Variants in VPS13D observed in about 807,000 individuals in gnomAD.
The protein encoded by VPS13D is vacuolar protein sorting 13 homolog D.
Under a neutral mutation model 461.9 loss-of-function variants are expected in VPS13D, and 187 were observed. That is an observed-to-expected ratio of 0.40 (90% CI 0.36 to 0.46). The LOEUF (loss-of-function observed/expected upper bound fraction) is 0.46. Ranked by LOEUF, VPS13D falls within the 20% of genes least tolerant of loss-of-function variation. The probability of loss-of-function intolerance (pLI) is 0.60; values close to 1 mark genes in which losing one functional copy is unlikely to be tolerated. For missense variants in VPS13D, 4,711 were observed against 5,364.9 expected, an observed-to-expected ratio of 0.88 and a Z score of 3.81; for synonymous variants, 1,951 against 1,986.3, an observed-to-expected ratio of 0.98 and a Z score of 0.47.
intron 65 of VPS13D, among the ~76,000 whole-genome samples, chr1:12,428,349 C>T (rs749412285): frequency 1.3e-5 from 2 of 152,202 alleles, no homozygotes; most frequent in African/African-American, 2.4e-5. Flanking sequence ...ATTACAGCTT[C>T]GCTTTTCCTT....
At chr1:12,480,256 C>A (rs187736199) in intron 67 of VPS13D, among the ~76,000 whole-genome samples, 1 of 152,198 alleles carries the variant, frequency 6.6e-6, no homozygotes, top group East Asian at 1.9e-4. Context: ...CTTCACCAGG[C>A]GGTAACCTGG....
intron 16 of VPS13D, among the ~76,000 whole-genome samples, chr1:12,269,224 C>T (rs1477737480): frequency 6.6e-6 from 1 of 152,108 alleles, no homozygotes; most frequent in Non-Finnish European, 1.5e-5. Flanking sequence ...AAGCCACTAC[C>T]TTTGAATCGG....
At chr1:12,315,643 T>G (rs1642866926) in intron 30 of VPS13D, among the ~76,000 whole-genome samples, 1 of 152,138 alleles carries the variant, frequency 6.6e-6, no homozygotes, top group Non-Finnish European at 1.5e-5. Flanking sequence ...AGCTCAAACC[T>G]GGGTATGTGA....
chr1:12,351,525 G>T (rs1183314502), intron 46 of VPS13D, among the ~76,000 whole-genome samples: 2 of 149,816 alleles, frequency 1.3e-5, no homozygotes, highest in Non-Finnish European at 3.0e-5. Context: ...CCTGACCTCA[G>T]GCAATCCACC....
At chr1:12,435,386 A>T (rs1645046710) in intron 65 of VPS13D, among the ~76,000 whole-genome samples, 2 of 152,148 alleles carry the variant, frequency 1.3e-5, no homozygotes, top group Non-Finnish European at 2.9e-5. Flanking sequence ...ATCCGAGCCT[A>T]GGAAGTTGAG....
At position 12,319,493 on chromosome 1, in the gene VPS13D, C is replaced by T. The variant is rs760600752; in HGVS notation, c.7415-4C>T. On this transcript the variant is annotated splice_region_variant and splice_polypyrimidine_tract_variant and intron_variant, in intron 31 of 69. Transcript: ENST00000620676. The stretch of plus-strand genomic sequence containing the variant: ...GGCTTGATTGACGACGTTGTCCTTT[C>T]CAGGTACGGAGTTTGTGGTCATTGA... 6.2e-7 allele frequency: 1 copy of T among 1,614,002 alleles called. No individual in the cohort carries two copies. The highest frequency in any genetic ancestry group is 8.5e-7 in the Non-Finnish European group (1 of 1,179,890).
chr1:12,335,306 A>G (rs764388184), intron 38 of VPS13D, among the ~76,000 whole-genome samples: 6 of 152,154 alleles, frequency 3.9e-5, no homozygotes, highest in Admixed American at 6.5e-5. Context: ...GACTCAAGTG[A>G]TCCGCCTGCC....
chr1:12,241,178 A>G, intron 2 of VPS13D, among the ~76,000 whole-genome samples: 1 of 152,134 alleles, frequency 6.6e-6, no homozygotes, highest in South Asian at 2.1e-4. Context: ...CCTGGGCTCA[A>G]GCGATTTCCC....
rs1331026796 is a variant in VPS13D, at chr1:12,249,315, C to A, written c.540C>A (p.Ser180=). 2 of 1,613,508 alleles carry A rather than the reference C, an allele frequency of 1.2e-6. No homozygotes were observed. Among genetic ancestry groups the A allele is most frequent in the African/African-American group, 2.7e-5 (2 of 75,024 alleles). ...TTGGCATCTGCATTAAGAATGTGTC[C>A]ATGCAAAATGCTGTGAATGAGCCTG... ...FAFGICIKNV[S]MQNAVNEPVQ... Residue 180 remains serine (S), a synonymous_variant, in exon 6 of 70, where the codon TCC becomes TCA. Coordinates refer to ENST00000620676, the MANE Select transcript of VPS13D (RefSeq NM_015378.4).
At chr1:12,409,723 T>C (rs776723469) in intron 63 of VPS13D, 135 of 303,542 alleles carry the variant, frequency 4.4e-4, no homozygotes, top group Non-Finnish European at 7.1e-4. Context: ...AATAGACCCA[T>C]ATCCAGAGAT....
rs1642122873 is a variant in VPS13D at position 12,291,210 on chromosome 1, CTTTTAAAAA to C, written c.5852+91_5852+99del. 5.4e-6 allele frequency: 8 copies of C among 1,482,724 alleles called. No individual in the cohort carries two copies. In the South Asian group the frequency reaches 1.1e-4, roughly 20 times the overall value. 91.8% of individuals were successfully genotyped at this position (1,482,724 alleles called of 1,614,324 possible). ...CTTGTTGGCTAGACAATAAAGAAAACTTTTAAAAATTTTTACCTTCTTAGAGGTGAAATT... is the reference window on the plus strand; with the variant it reads ...CTTGTTGGCTAGACAATAAAGAAAACTTTTTACCTTCTTAGAGGTGAAATT... On this transcript the variant is annotated intron_variant, in intron 23 of 69. Transcript: ENST00000620676.
intron 6 of VPS13D, among the ~76,000 whole-genome samples, chr1:12,249,971 A>G (rs1318759211): frequency 6.6e-6 from 1 of 152,232 alleles, no homozygotes; most frequent in Admixed American, 6.5e-5. Context: ...GATGCCAGTC[A>G]CAAGGCCCAG....
At chr1:12,448,372 C>CA (rs1645221007) in intron 65 of VPS13D, among the ~76,000 whole-genome samples, 1 of 152,128 alleles carries the variant, frequency 6.6e-6, no homozygotes, top group African/African-American at 2.4e-5. Context: ...GTTAGAATGG[C>CA]AAAACAGGAG....
chr1:12,296,988 GTCTT>G (rs1230041109), intron 24 of VPS13D, among the ~76,000 whole-genome samples: 1 of 152,186 alleles, frequency 6.6e-6, no homozygotes, highest in African/African-American at 2.4e-5. Flanking sequence ...TTAAAGGAAT[GTCTT>G]TCTATTTTGA....
intron 6 of VPS13D, among the ~76,000 whole-genome samples, chr1:12,250,678 T>G (rs978733548): frequency 2.0e-5 from 3 of 152,268 alleles, no homozygotes; most frequent in Non-Finnish European, 2.9e-5. Context: ...TTTTCACCAC[T>G]GCTGTTATCC....
intron 67 of VPS13D, among the ~76,000 whole-genome samples, chr1:12,481,973 C>T (rs1000851802): frequency 2.6e-5 from 4 of 152,194 alleles, no homozygotes; most frequent in African/African-American, 9.7e-5. Context: ...CATTTGGGAC[C>T]AGCCAGCCCT....
chr1:12,432,363 C>T (rs898312438), intron 65 of VPS13D, among the ~76,000 whole-genome samples: 18 of 149,232 alleles, frequency 1.2e-4, no homozygotes, highest in Middle Eastern at 3.4e-3. Flanking sequence ...CATTGCACTC[C>T]GGCCTGGGCA....
In VPS13D at chr1:12,361,403, A is replaced by ATTTAT. The variant is rs1553183518; in HGVS notation, c.10142-1314_10142-1313insATTTT. The stretch of plus-strand genomic sequence containing the variant: ...TATTTATTTATTTATTTATTTATTT[A>ATTTAT]TTTTTTTTTTGAGACGGAGTCTCGC... On this transcript the variant is annotated intron_variant, in intron 50 of 69. Coordinates refer to ENST00000620676, the MANE Select transcript of VPS13D (RefSeq NM_015378.4). 3.1e-3 allele frequency among the ~76,000 whole-genome samples: 415 copies of ATTTAT among 133,978 alleles called. 3 individuals are homozygous for ATTTAT. The highest frequency in any genetic ancestry group is 0.011 in the African/African-American group (400 of 35,226). 87.9% of individuals were successfully genotyped at this position (133,978 alleles called of 152,430 possible). A position where few individuals can be genotyped will look rare whatever the true frequency, so the allele number is the denominator to read the frequency against.
rs565744522 is a variant in VPS13D, at chr1:12,387,684, A to G, written c.11634+1350A>G. On this transcript the variant is annotated intron_variant, in intron 60 of 69. Transcript: ENST00000620676. ...GTTAAGTAGCAATATGGAAGACATA[A>G]AAAAACTAAAGCTTGTAGAGATTAA... 2.0e-5 allele frequency among the ~76,000 whole-genome samples: 3 copies of G among 152,366 alleles called. No homozygotes were observed. In the East Asian group the frequency reaches 5.8e-4, roughly 29 times the overall value.
Sources: allele counts gnomAD v4.1 joint callset (sites outside exome capture counted in the v4.1 genomes callset), GRCh38; gene constraint gnomAD v4.1.1; transcripts MANE v1.5; gene names NCBI Gene and HGNC (gene_info 2026-07-23, HGNC 2026-07-21).